The following SLC35F2 variants were observed in gnomAD, a reference collection of about 807,000 sequenced individuals.
The protein encoded by SLC35F2 is queuine/queuosine transporter SLC35F2.
Under a neutral mutation model 38.1 loss-of-function variants are expected in SLC35F2, and 25 were observed. The observed-to-expected ratio is 0.66, with a 90% CI of 0.48 to 0.92. SLC35F2 has a LOEUF of 0.92. Ranked by LOEUF, SLC35F2 falls within the 40% of genes least tolerant of loss-of-function variation. SLC35F2 has a pLI of 0.00. For missense variants in SLC35F2, 409 were observed against 452.9 expected (o/e 0.90, Z 0.88); for synonymous variants, 173 against 181.7 (o/e 0.95, Z 0.38).
At chr11:107,813,664 CTCT>C (rs896673587) in intron 2 of SLC35F2, among the ~76,000 whole-genome samples, 3 of 152,020 alleles carry the variant, frequency 2.0e-5, no homozygotes, top group Admixed American at 2.0e-4. Context: ...CCACTCCCAA[CTCT>C]TCTTTTTTTT....
In SLC35F2 at chr11:107,811,728, T is replaced by A. The variant is rs763680625; in HGVS notation, c.353A>T (p.Asp118Val). Residue 118 changes from aspartate (D) to valine (V), a missense_variant, in exon 3 of 8, where the codon GAT (aspartate) becomes GTT (valine). Physicochemically the swap from Asp to Val is radical, Grantham distance 152. Coordinates refer to ENST00000525815, the MANE Select transcript of SLC35F2 (RefSeq NM_017515.5). ...WWKYILLGLA[D>V]VEANYVIVRA... ...GACGATCACATAATTAGCTTCCACA[T>A]CTGCTAGTCCCAGCAGGATGTACTT... 6.2e-7 allele frequency: 1 copy of A among 1,613,750 alleles called. No individual in the cohort carries two copies. Among genetic ancestry groups the A allele is most frequent in the Non-Finnish European group, 8.5e-7 (1 of 1,179,644 alleles).
At chr11:107,799,396 C>T (rs1859268563) in intron 7 of SLC35F2, among the ~76,000 whole-genome samples, 1 of 152,076 alleles carries the variant, frequency 6.6e-6, no homozygotes, top group Non-Finnish European at 1.5e-5. Flanking sequence ...AAGCCAAAGC[C>T]GGCCACCAAC....
chr11:107,811,618 C>A, intron 3 of SLC35F2, 49 bp downstream of exon 3: 1 of 1,538,876 alleles, frequency 6.5e-7, no homozygotes, highest in Non-Finnish European at 8.8e-7. Flanking sequence ...ACTTCGTGTT[C>A]TTCTTTTGAA....
intron 1 of SLC35F2, among the ~76,000 whole-genome samples, chr11:107,827,585 C>A (rs1201719481): frequency 1.3e-5 from 2 of 152,034 alleles, no homozygotes; most frequent in Non-Finnish European, 2.9e-5. Context: ...CCCATCTCTA[C>A]TAAAAATACA....
rs1290989638 is a variant in SLC35F2 at position 107,811,779 on chromosome 11, A to G, written c.302T>C (p.Leu101Ser). The G allele has an allele frequency of 6.2e-7, 1 of 1,613,706 alleles. No homozygotes were observed. Among genetic ancestry groups the G allele is most frequent in the Non-Finnish European group, 8.5e-7 (1 of 1,179,768 alleles). ...CCACCATTTTCTTTTCAAGATTACT[A>G]AAAGGTTATCACTGCCTGGTTGAAA... ...LAFRSGSDNL[L>S]VILKRKWWKY... is the part of the protein sequence containing the mutation. The change falls in exon 3 of 8, where the codon TTA becomes TCA. Residue 101 changes from leucine to serine, a missense_variant. By Grantham distance (145) the Leu-to-Ser change is moderately radical (BLOSUM62 -2). Coordinates refer to ENST00000525815, the MANE Select transcript of SLC35F2 (RefSeq NM_017515.5).
intron 3 of SLC35F2, among the ~76,000 whole-genome samples, chr11:107,807,852 G>A (rs1193312922): frequency 3.3e-5 from 5 of 152,186 alleles, no homozygotes; most frequent in African/African-American, 7.2e-5. Flanking sequence ...TGGGATTACA[G>A]GCGTGAGCCA....
intron 2 of SLC35F2, among the ~76,000 whole-genome samples, chr11:107,812,551 A>G (rs1057177000): frequency 6.6e-6 from 1 of 152,190 alleles, no homozygotes; most frequent in African/African-American, 2.4e-5. Context: ...GGAGAAGAGC[A>G]TTAAGGAAAA....
Position 107,792,397 on chromosome 11 carries a change from C to T in SLC35F2, c.*218G>A, listed in dbSNP as rs1859148258. 1 of 509,040 alleles carries T rather than the reference C, an allele frequency of 2.0e-6. No homozygotes were observed. The highest frequency in any genetic ancestry group is 3.9e-5 in the Admixed American group (1 of 25,748). The allele number at this position is 509,040 out of a possible 1,614,324, so 31.5% of individuals were successfully genotyped here. A position where few individuals can be genotyped will look rare whatever the true frequency, so the allele number is the denominator to read the frequency against. The stretch of plus-strand genomic sequence containing the variant: ...CTCCTCAACACGAACAGATATTGGT[C>T]CTCAAACACAGAAACACACTCTTAG... On this transcript the variant is annotated 3_prime_UTR_variant, in exon 8 of 8. Transcript: ENST00000525815.
At chr11:107,856,974 AGAAG>A (rs1238923498) in intron 1 of SLC35F2, among the ~76,000 whole-genome samples, 1 of 137,136 alleles carries the variant, frequency 7.3e-6, no homozygotes, top group Non-Finnish European at 1.6e-5. Flanking sequence ...GACTTGTCCA[AGAAG>A]GAAGGGAGGG....
chr11:107,815,710 G>A, intron 2 of SLC35F2, 80 bp downstream of exon 2: 1 of 1,469,556 alleles, frequency 6.8e-7, no homozygotes, highest in Non-Finnish European at 9.2e-7. Flanking sequence ...TACTTTCACA[G>A]AATTTAGAGG....
intron 1 of SLC35F2, among the ~76,000 whole-genome samples, chr11:107,842,905 A>G (rs74496748): frequency 0.013 from 1,916 of 152,216 alleles, 52 homozygotes; most frequent in African/African-American, 0.043. Flanking sequence ...CCCGGAAAAA[A>G]CCCAAATGCC....
chr11:107,810,821 G>A, intron 3 of SLC35F2: 1 of 979,132 alleles, frequency 1.0e-6, no homozygotes, highest in Non-Finnish European at 1.2e-6. Flanking sequence ...TGCGAAATAA[G>A]TCTAATTTCA....
intron 1 of SLC35F2, among the ~76,000 whole-genome samples, chr11:107,847,600 A>G (rs1344764232): frequency 6.6e-6 from 1 of 152,200 alleles, no homozygotes; most frequent in African/African-American, 2.4e-5. Flanking sequence ...GTCCTTAAAA[A>G]GGCACTCTCC....
At chr11:107,845,899 G>A (rs548982765) in intron 1 of SLC35F2, among the ~76,000 whole-genome samples, 47 of 151,868 alleles carry the variant, frequency 3.1e-4, no homozygotes, top group African/African-American at 1.1e-3. Flanking sequence ...GTTGCAGTGT[G>A]CCAAGATCGC....
chr11:107,811,862 TAAAAG>T lies in SLC35F2; in HGVS notation c.287-73_287-69del, dbSNP rs1215879735. 6.5e-6 allele frequency: 9 copies of T among 1,390,326 alleles called. No homozygotes were observed. The South Asian group carries it at 1.1e-4, about 17-fold the overall frequency. The allele number at this position is 1,390,326 out of a possible 1,614,324, so 86.1% of individuals were successfully genotyped here. On this transcript the variant is annotated intron_variant, in intron 2 of 7. Coordinates refer to ENST00000525815, the MANE Select transcript of SLC35F2 (RefSeq NM_017515.5). ...GATACCATACATGTTGATTTGAAGA[TAAAAG>T]AGTAGAAGCAAGAGTTTCTTGTTTT... is the stretch of plus-strand genomic sequence containing the variant.
At chr11:107,809,717 T>C (rs1237432433) in intron 3 of SLC35F2, 3 of 980,892 alleles carry the variant, frequency 3.1e-6, no homozygotes, top group Admixed American at 1.2e-4. Flanking sequence ...AATTATTGTA[T>C]AGTCACAGTA....
At chr11:107,814,688 C>G (rs1859538588) in intron 2 of SLC35F2, among the ~76,000 whole-genome samples, 1 of 152,010 alleles carries the variant, frequency 6.6e-6, no homozygotes, top group Non-Finnish European at 1.5e-5. Flanking sequence ...TCTGGCTGGG[C>G]CCAGTGGCTC....
intron 1 of SLC35F2, among the ~76,000 whole-genome samples, chr11:107,835,486 GA>G (rs1186956774): frequency 1.3e-5 from 2 of 151,748 alleles, no homozygotes; most frequent in Non-Finnish European, 2.9e-5. Flanking sequence ...GCCCAAACTG[GA>G]GCGCAGTGGC....
At chr11:107,845,413 C>T (rs1406938658) in intron 1 of SLC35F2, among the ~76,000 whole-genome samples, 5 of 150,674 alleles carry the variant, frequency 3.3e-5, no homozygotes, top group Admixed American at 1.3e-4. Context: ...CCCAGCTACT[C>T]GGGAGGCTGA....
Sources: allele counts gnomAD v4.1 joint callset (sites outside exome capture counted in the v4.1 genomes callset), GRCh38; gene constraint gnomAD v4.1.1; transcripts MANE v1.5; gene names NCBI Gene and HGNC (gene_info 2026-07-23, HGNC 2026-07-21).